Variants in GET4 observed in about 807,000 individuals in gnomAD.
GET4 encodes Golgi to ER traffic protein 4 homolog.
GET4 carries 20 observed loss-of-function variants against 40.0 expected under a neutral mutation model. The ratio of observed to expected loss-of-function variants is 0.50; its 90% CI spans 0.35 to 0.73. GET4 has a LOEUF of 0.73. GET4 is among the 30% of genes least tolerant of loss of function. The pLI is 0.01. For synonymous variants in GET4, 280 were observed against 194.6 expected (o/e 1.44, Z -3.65); for missense variants, 557 against 454.0 (o/e 1.23, Z -2.06).
rs569372998 is a variant in GET4 at position 889,074 on chromosome 7, T to C, written c.466+1555T>C. On this transcript the variant is annotated intron_variant, in intron 4 of 8. Coordinates refer to ENST00000265857, the MANE Select transcript of GET4 (RefSeq NM_015949.3). The stretch of plus-strand genomic sequence containing the variant: ...CTCCTAAGATGGGTACAAGCGATCA[T>C]AAGGAGGGATGTACGTGTCTCATCT... Among the ~76,000 whole-genome samples, 4 of 152,266 alleles carry C rather than the reference T, an allele frequency of 2.6e-5. No individual in the cohort carries two copies. The East Asian group carries it at 7.7e-4, about 29-fold the overall frequency.
chr7:881,049 G>C (rs1844075407), intron 1 of GET4: 1 of 152,098 alleles, frequency 6.6e-6, no homozygotes, highest in African/African-American at 2.4e-5. Context: ...ATTTTTTGTA[G>C]AGACGGAGTT....
rs974510688 is a variant in GET4 at position 895,879 on chromosome 7, G to T, written c.*457G>T. 2.0e-5 allele frequency: 3 copies of T among 152,978 alleles called. No homozygotes were observed. Among genetic ancestry groups the T allele is most frequent in the Admixed American group, 2.0e-4 (3 of 15,308 alleles). The allele number at this position is 152,978 out of a possible 1,614,324, so 9.5% of individuals were successfully genotyped here. On this transcript the variant is annotated 3_prime_UTR_variant, in exon 9 of 9. Transcript: ENST00000265857. Reference sequence around the variant, plus strand: ...CAGGGCCCATGTGGTCTGCAAATGGGAGCGGCTGTTTTTGAACACGGGGTC... The same window carrying T: ...CAGGGCCCATGTGGTCTGCAAATGGTAGCGGCTGTTTTTGAACACGGGGTC...
chr7:893,019 A>AGTGTT, intron 6 of GET4, among the ~76,000 whole-genome samples: 1 of 139,976 alleles, frequency 7.1e-6, no homozygotes, highest in East Asian at 2.2e-4. Context: ...TTTGCAGGTG[A>AGTGTT]GGGGTGTAGG....
At chr7:891,117 G>A (rs779087667) in intron 5 of GET4, 51 bp downstream of exon 5, 2 of 1,501,204 alleles carry the variant, frequency 1.3e-6, no homozygotes, top group Non-Finnish European at 1.8e-6. Context: ...GCCTTGGCTG[G>A]GCAGCCTTAG....
chr7:890,844 A>G (rs981802755), intron 4 of GET4, 84 bp from the exon 5 acceptor site: 2 of 1,149,470 alleles, frequency 1.7e-6, no homozygotes, highest in Non-Finnish European at 2.6e-6. Flanking sequence ...GTGGGCTAGA[A>G]TTAACATGGA....
intron 1 of GET4, chr7:885,814 C>T (rs527788602): frequency 1.2e-4 from 64 of 524,532 alleles, no homozygotes; most frequent in African/African-American, 9.5e-4. Flanking sequence ...TGCTTTCTGG[C>T]TCCTGGTGTA....
At position 893,929 on chromosome 7, in the gene GET4, G is replaced by A. The variant is rs200545709; in HGVS notation, c.853G>A (p.Gly285Ser). 87 of 1,608,510 alleles carry A rather than the reference G, an allele frequency of 5.4e-5. No individual in the cohort carries two copies. Among genetic ancestry groups the A allele is most frequent in the Non-Finnish European group, 6.8e-5 (80 of 1,176,648 alleles). ...YLDRIGQLFF[G>S]VPPKQTSSYG... The stretch of plus-strand genomic sequence containing the variant: ...CGACCGCATAGGACAGCTGTTCTTC[G>A]GCGTCCCGCCCAAGCAGACGTCTTC... Residue 285 changes from glycine to serine, a missense_variant, in exon 8 of 9, where the codon GGC (glycine) becomes AGC (serine). Transcript: ENST00000265857.
At chr7:877,206 TC>T in intron 1 of GET4, among the ~76,000 whole-genome samples, 1 of 137,180 alleles carries the variant, frequency 7.3e-6, no homozygotes, top group African/African-American at 2.8e-5. Flanking sequence ...GGTCTCGCTC[TC>T]TCTCTCTCTC....
chr7:877,464 G>GC (rs1161985777), intron 1 of GET4, among the ~76,000 whole-genome samples: 1 of 59,598 alleles, frequency 1.7e-5, no homozygotes. Flanking sequence ...GCCTCCCTCT[G>GC]CCCCCCGCCT....
At position 893,733 on chromosome 7, in the gene GET4, G is replaced by A. The variant is rs376061649; in HGVS notation, c.747-7G>A. On this transcript the variant is annotated splice_region_variant and splice_polypyrimidine_tract_variant and intron_variant, in intron 6 of 8. Transcript: ENST00000265857. ...ACCCAGCACATCCCTGTGTGTCTCTGTCCCAGTGGGAAGCTGACGGTGTTC... is the reference window on the plus strand; with the variant it reads ...ACCCAGCACATCCCTGTGTGTCTCTATCCCAGTGGGAAGCTGACGGTGTTC... 217 of 1,591,250 alleles carry A rather than the reference G, an allele frequency of 1.4e-4. 1 individual carries two copies. In the African/African-American group the frequency reaches 2.5e-3, roughly 18 times the overall value.
At chr7:883,402 GTCTT>G (rs1844125314) in intron 1 of GET4, 1 of 584,736 alleles carries the variant, frequency 1.7e-6, no homozygotes, top group Admixed American at 6.3e-5. Flanking sequence ...CATGAGCTCG[GTCTT>G]TCTTCATTTG....
intron 6 of GET4, among the ~76,000 whole-genome samples, chr7:892,680 G>A (rs1271618317): frequency 6.6e-6 from 1 of 151,076 alleles, no homozygotes; most frequent in African/African-American, 2.4e-5. Context: ...GTAGGTGTTG[G>A]GCCTCTGGTA....
chr7:890,335 C>T (rs1236083369), intron 4 of GET4, among the ~76,000 whole-genome samples: 2 of 38,418 alleles, frequency 5.2e-5, no homozygotes, highest in Non-Finnish European at 9.8e-5. Flanking sequence ...GGTGTCAGGA[C>T]GGGGTCTGGG....
intron 8 of GET4, among the ~76,000 whole-genome samples, chr7:894,748 G>GTGT (rs1271126891): frequency 6.6e-5 from 10 of 152,208 alleles, no homozygotes; most frequent in African/African-American, 2.4e-4. Flanking sequence ...TGCCACGGCC[G>GTGT]TGTCTTTGTA....
Position 886,609 on chromosome 7 carries a change from C to T in GET4, c.275C>T (p.Ser92Phe). 1 of 1,613,040 alleles carries T rather than the reference C, an allele frequency of 6.2e-7. No homozygotes were observed. Among genetic ancestry groups the T allele is most frequent in the Non-Finnish European group, 8.5e-7 (1 of 1,179,552 alleles). The change falls in exon 3 of 9, where the codon TCC becomes TTC. Residue 92 changes from serine (S) to phenylalanine (F), a missense_variant. Ser to Phe is a radical substitution (Grantham distance 155, BLOSUM62 -2). Transcript: ENST00000265857. ...AADLSMLVLE[S>F]LEKAEVEVAD... Reference sequence around the variant, plus strand: ...GACTTGTCCATGCTGGTCCTGGAGTCCCTGGAGAAGGCGGAAGTGGAGGTG... The same window carrying T: ...GACTTGTCCATGCTGGTCCTGGAGTTCCTGGAGAAGGCGGAAGTGGAGGTG...
chr7:880,070 A>C (rs1398105749), intron 1 of GET4: 1 of 152,262 alleles, frequency 6.6e-6, no homozygotes, highest in East Asian at 1.9e-4. Flanking sequence ...TGCCGGGCGC[A>C]GTGGCTCATG....
chr7:886,710 C>G, intron 3 of GET4, 60 bp downstream of exon 3: 1 of 1,059,828 alleles, frequency 9.4e-7, no homozygotes. Flanking sequence ...CGCCCCTCCC[C>G]GGGTCTCTGC....
chr7:894,055 G>C, intron 8 of GET4, 84 bp downstream of exon 8: 1 of 759,644 alleles, frequency 1.3e-6, no homozygotes, highest in South Asian at 2.0e-5. Flanking sequence ...GTCCAGTGCG[G>C]TCCTTCACGT....
chr7:895,310 C>A (rs200957765), intron 8 of GET4, 24 bp from the exon 9 acceptor site: 174 of 1,297,098 alleles, frequency 1.3e-4, no homozygotes, highest in Admixed American at 8.5e-4. Context: ...CCAGGCGTGA[C>A]TGCCACGGTG....
Sources: gnomAD v4.1 joint callset for allele counts (sites outside exome capture counted in the v4.1 genomes callset) on GRCh38, gnomAD v4.1.1 for gene constraint, MANE v1.5 for transcripts, NCBI Gene and HGNC (gene_info 2026-07-23, HGNC 2026-07-21) for gene names.